Variants in BMPR1B observed in about 807,000 individuals in gnomAD.
The protein encoded by BMPR1B is bone morphogenetic protein receptor type 1B.
A neutral mutation model predicts 59.1 loss-of-function variants in BMPR1B; 12 were observed. The observed-to-expected ratio is 0.20, with a 90% confidence interval of 0.13 to 0.33. BMPR1B has a LOEUF of 0.33. Ranked by LOEUF, BMPR1B falls within the 10% of genes least tolerant of loss-of-function variation. The pLI, the probability that BMPR1B is intolerant of heterozygous loss-of-function variation, is 1.00. For synonymous variants in BMPR1B, 237 were observed against 207.3 expected (o/e 1.14, Z -1.23); for missense variants, 550 against 610.9 (o/e 0.90, Z 1.05).
At chr4:95,095,054 T>TC (rs1560648631) in intron 3 of BMPR1B, among the ~76,000 whole-genome samples, 2 of 151,460 alleles carry the variant, frequency 1.3e-5, no homozygotes, top group Non-Finnish European at 2.9e-5. Flanking sequence ...AATTTTTTTT[T>TC]CCTAAATTTT....
chr4:94,940,746 C>T (rs1243208794), intron 2 of BMPR1B, among the ~76,000 whole-genome samples: 1 of 152,168 alleles, frequency 6.6e-6, no homozygotes, highest in Non-Finnish European at 1.5e-5. Context: ...TTACCAAGCT[C>T]TATTACTTCT....
chr4:94,923,506 C>A (rs1011169055), intron 2 of BMPR1B, among the ~76,000 whole-genome samples: 2 of 152,060 alleles, frequency 1.3e-5, no homozygotes, highest in Admixed American at 1.3e-4. Context: ...AGTAGATATG[C>A]CATTCTTACT....
intron 2 of BMPR1B, among the ~76,000 whole-genome samples, chr4:94,888,383 A>C (rs1424798010): frequency 6.6e-6 from 1 of 151,934 alleles, no homozygotes; most frequent in Non-Finnish European, 1.5e-5. Flanking sequence ...AGGGGAAAAG[A>C]AATGAAAATA....
intron 1 of BMPR1B, among the ~76,000 whole-genome samples, chr4:94,795,557 G>A (rs953217920): frequency 2.0e-5 from 3 of 151,918 alleles, no homozygotes; most frequent in African/African-American, 4.8e-5. Context: ...CTCTGCCTTC[G>A]GGTTCAAGCG....
At chr4:95,109,799 T>C (rs748978519) in intron 4 of BMPR1B, among the ~76,000 whole-genome samples, 24 of 151,638 alleles carry the variant, frequency 1.6e-4, no homozygotes, top group African/African-American at 3.6e-4. Context: ...CATGTTGGTG[T>C]GCTGCACCCA....
At chr4:94,891,326 GATAA>G (rs1441056985) in intron 2 of BMPR1B, among the ~76,000 whole-genome samples, 1 of 152,010 alleles carries the variant, frequency 6.6e-6, no homozygotes, top group Non-Finnish European at 1.5e-5. Flanking sequence ...ATTTTCTGCA[GATAA>G]ATACTCTTGG....
intron 10 of BMPR1B, among the ~76,000 whole-genome samples, chr4:95,132,572 T>C (rs535613410): frequency 3.0e-4 from 46 of 152,154 alleles, no homozygotes; most frequent in Middle Eastern, 6.8e-3. Flanking sequence ...GTTAGAAATA[T>C]GAACCTCCTG....
At chr4:94,985,898 C>T (rs1382172356) in intron 2 of BMPR1B, among the ~76,000 whole-genome samples, 1 of 152,092 alleles carries the variant, frequency 6.6e-6, no homozygotes, top group East Asian at 1.9e-4. Flanking sequence ...AAATGTGAGT[C>T]GTTAGATTTC....
At chr4:95,136,175 G>T (rs776340191) in intron 10 of BMPR1B, among the ~76,000 whole-genome samples, 1 of 152,062 alleles carries the variant, frequency 6.6e-6, no homozygotes, top group East Asian at 1.9e-4. Flanking sequence ...ACCAAAAAAA[G>T]TCCAGGACCA....
At chr4:94,995,612 C>T (rs1204431795) in intron 2 of BMPR1B, among the ~76,000 whole-genome samples, 1 of 152,132 alleles carries the variant, frequency 6.6e-6, no homozygotes, top group South Asian at 2.1e-4. Context: ...TCTTTGACTC[C>T]ACCTAGCCCC....
chr4:95,099,211 T>C (rs546920177), intron 3 of BMPR1B, among the ~76,000 whole-genome samples: 3 of 152,302 alleles, frequency 2.0e-5, no homozygotes, highest in African/African-American at 7.2e-5. Flanking sequence ...ATCATGAAGA[T>C]TAGCTAGAGA....
chr4:94,842,241 C>T (rs1725116077), intron 1 of BMPR1B, among the ~76,000 whole-genome samples: 1 of 151,806 alleles, frequency 6.6e-6, no homozygotes, highest in Non-Finnish European at 1.5e-5. Flanking sequence ...ATGAATGATC[C>T]AAAGCTTGTT....
chr4:94,943,501 A>G (rs933023623), intron 2 of BMPR1B, among the ~76,000 whole-genome samples: 3 of 152,176 alleles, frequency 2.0e-5, no homozygotes, highest in Non-Finnish European at 4.4e-5. Flanking sequence ...AAATAAGGAT[A>G]ATAATAGTAC....
chr4:94,786,370 C>CT (rs34747185), intron 1 of BMPR1B, among the ~76,000 whole-genome samples: 106,855 of 140,244 alleles, frequency 0.76, 40,622 homozygotes, highest in Middle Eastern at 0.81. Context: ...AATTCACCAC[C>CT]TTTTTTTTTT....
At chr4:95,052,333 G>A (rs1267897935) in intron 3 of BMPR1B, among the ~76,000 whole-genome samples, 1 of 152,066 alleles carries the variant, frequency 6.6e-6, no homozygotes, top group African/African-American at 2.4e-5. Context: ...TTATGAAGTT[G>A]ACTAAAATAT....
chr4:95,005,920 T>C (rs1722791376), intron 3 of BMPR1B, among the ~76,000 whole-genome samples: 1 of 152,164 alleles, frequency 6.6e-6, no homozygotes. Context: ...CTAAAGTCAT[T>C]TACCCTCTCA....
intron 2 of BMPR1B, among the ~76,000 whole-genome samples, chr4:94,962,077 T>C (rs916991143): frequency 6.1e-5 from 2 of 32,798 alleles, no homozygotes; most frequent in African/African-American, 2.4e-4. Flanking sequence ...TTTTCTTTCC[T>C]TCCTTCCTTC....
At chr4:94,931,168 C>T (rs1729079561) in intron 2 of BMPR1B, among the ~76,000 whole-genome samples, 1 of 152,048 alleles carries the variant, frequency 6.6e-6, no homozygotes, top group Non-Finnish European at 1.5e-5. Context: ...CAGTTTTCTC[C>T]TCCTCTATTG....
At chr4:95,075,280 G>A (rs968786058) in intron 3 of BMPR1B, among the ~76,000 whole-genome samples, 1 of 152,094 alleles carries the variant, frequency 6.6e-6, no homozygotes, top group African/African-American at 2.4e-5. Context: ...CTGTTTCACA[G>A]TAACTTAGTA....
Sources: allele counts gnomAD v4.1 joint callset (sites outside exome capture counted in the v4.1 genomes callset), GRCh38; gene constraint gnomAD v4.1.1; transcripts MANE v1.5; gene names NCBI Gene and HGNC (gene_info 2026-07-23, HGNC 2026-07-21).